KIAA1671: variants seen among roughly 807,000 people sequenced by gnomAD.
KIAA1671 encodes KIAA1671, also known as uncharacterized protein KIAA1671.
KIAA1671 carries 52 observed loss-of-function variants against 131.2 expected under a neutral mutation model. That is an observed-to-expected ratio of 0.40 (90% CI 0.32 to 0.50). The LOEUF (loss-of-function observed/expected upper bound fraction) is 0.50, where lower values mean the gene tolerates loss of function less well. Among genes scored for constraint, KIAA1671 ranks in the 20% least tolerant of loss-of-function variants. The pLI, the probability that KIAA1671 is intolerant of heterozygous loss-of-function variation, is 0.73. For missense variants in KIAA1671, 2,360 were observed against 2,364.2 expected (o/e 1.00, Z 0.04); for synonymous variants, 1,003 against 961.6 (o/e 1.04, Z -0.80).
intron 12 of KIAA1671, among the ~76,000 whole-genome samples, chr22:25,191,287 C>T (rs1934665976): frequency 6.6e-6 from 1 of 151,810 alleles, no homozygotes; most frequent in Non-Finnish European, 1.5e-5. Flanking sequence ...TCCTAAGTAG[C>T]TGGAATTACA....
chr22:24,953,493 C>T (rs886989027), intron 1 of KIAA1671, among the ~76,000 whole-genome samples: 2 of 151,890 alleles, frequency 1.3e-5, no homozygotes, highest in African/African-American at 4.8e-5. Flanking sequence ...CTGGCCTGCG[C>T]CCCCCCTCCG....
chr22:25,082,218 G>T (rs1929448582), intron 6 of KIAA1671, among the ~76,000 whole-genome samples: 1 of 152,200 alleles, frequency 6.6e-6, no homozygotes, highest in African/African-American at 2.4e-5. Context: ...ACCCCCTCTG[G>T]GCCCAGCATC....
intron 6 of KIAA1671, among the ~76,000 whole-genome samples, chr22:25,148,593 A>G (rs935922143): frequency 1.1e-4 from 16 of 152,192 alleles, no homozygotes; most frequent in Admixed American, 2.0e-4. Flanking sequence ...AGGGAGGAGC[A>G]TCTTGTGATG....
At chr22:24,970,049 T>C (rs539096519) in intron 1 of KIAA1671, among the ~76,000 whole-genome samples, 1 of 152,148 alleles carries the variant, frequency 6.6e-6, no homozygotes, top group South Asian at 2.1e-4. Context: ...GGGCAAACTC[T>C]CAAACCAGTC....
intron 6 of KIAA1671, among the ~76,000 whole-genome samples, chr22:25,163,851 G>T (rs1314045917): frequency 6.6e-6 from 1 of 152,184 alleles, no homozygotes; most frequent in African/African-American, 2.4e-5. Context: ...CTGCAGGGCG[G>T]TGTCCATGTT....
chr22:25,032,561 G>C (rs1473332256), intron 3 of KIAA1671, 48 bp from the exon 4 acceptor site: 1 of 1,232,844 alleles, frequency 8.1e-7, no homozygotes, highest in African/African-American at 1.5e-5. Flanking sequence ...GGGCTGGGGG[G>C]AATAACAGCT....
At chr22:25,105,550 G>T (rs980908716) in intron 6 of KIAA1671, among the ~76,000 whole-genome samples, 1 of 152,152 alleles carries the variant, frequency 6.6e-6, no homozygotes, top group South Asian at 2.1e-4. Flanking sequence ...AAGTCCTCTG[G>T]GGGGGAAAAT....
chr22:25,111,358 G>T (rs1931333944), intron 6 of KIAA1671, among the ~76,000 whole-genome samples: 1 of 152,240 alleles, frequency 6.6e-6, no homozygotes, highest in African/African-American at 2.4e-5. Context: ...GACCGTGAGC[G>T]AGTTGGGACT....
At chr22:25,132,157 A>G (rs1429185773) in intron 6 of KIAA1671, among the ~76,000 whole-genome samples, 6 of 152,234 alleles carry the variant, frequency 3.9e-5, no homozygotes, top group Non-Finnish European at 8.8e-5. Flanking sequence ...CAAGACACAT[A>G]TAATCTGTAA....
chr22:24,979,007 T>G (rs1232728056), intron 1 of KIAA1671, among the ~76,000 whole-genome samples: 5 of 148,972 alleles, frequency 3.4e-5, no homozygotes, highest in Admixed American at 3.4e-4. Flanking sequence ...CATTTTTTTT[T>G]TTTTTTGAGA....
At chr22:24,991,133 C>T (rs1339986323) in intron 1 of KIAA1671, among the ~76,000 whole-genome samples, 1 of 152,206 alleles carries the variant, frequency 6.6e-6, no homozygotes, top group East Asian at 1.9e-4. Context: ...GATTATCCTG[C>T]CTCAGCCTCC....
intron 6 of KIAA1671, among the ~76,000 whole-genome samples, chr22:25,107,566 C>G (rs1187617667): frequency 7.0e-6 from 1 of 143,122 alleles, no homozygotes; most frequent in East Asian, 2.1e-4. Flanking sequence ...CCTTAACTTC[C>G]CAGGCTGAAG....
In KIAA1671 at chr22:25,041,010, C is replaced by A. The variant is rs200775683; in HGVS notation, c.3880C>A (p.Pro1294Thr). ...LETAMGTKSSPPFWALPPSAP... is the reference protein window; with the variant it reads ...LETAMGTKSSTPFWALPPSAP... Reference sequence around the variant, plus strand: ...GACAGCCATGGGCACCAAATCTAGCCCTCCCTTCTGGGCTCTGCCACCCTC... The same window carrying A: ...GACAGCCATGGGCACCAAATCTAGCACTCCCTTCTGGGCTCTGCCACCCTC... The change falls in exon 5 of 13, where the codon CCT becomes ACT. Residue 1294 changes from proline (P) to threonine (T), a missense_variant. Physicochemically the swap from Pro to Thr is conservative, Grantham distance 38. Coordinates refer to ENST00000358431, the MANE Select transcript of KIAA1671 (RefSeq NM_001145206.2). 6.8e-7 allele frequency: 1 copy of A among 1,480,340 alleles called. No homozygotes were observed. Among genetic ancestry groups the A allele is most frequent in the Non-Finnish European group, 9.0e-7 (1 of 1,114,758 alleles). 91.7% of individuals were successfully genotyped at this position (1,480,340 alleles called of 1,614,324 possible).
chr22:25,008,989 G>T (rs1924889474), intron 1 of KIAA1671, among the ~76,000 whole-genome samples: 1 of 152,222 alleles, frequency 6.6e-6, no homozygotes, highest in South Asian at 2.1e-4. Flanking sequence ...TGAAGGGCAT[G>T]GGAGGCACAG....
At chr22:25,063,714 AAAAC>A (rs1181282988) in intron 6 of KIAA1671, 1 of 152,232 alleles carries the variant, frequency 6.6e-6, no homozygotes, top group Non-Finnish European at 1.5e-5. Context: ...ATTGAAATAT[AAAAC>A]AATCTTGAAA....
chr22:24,974,487 C>T (rs1256790020), intron 1 of KIAA1671, among the ~76,000 whole-genome samples: 2 of 151,988 alleles, frequency 1.3e-5, no homozygotes, highest in African/African-American at 2.4e-5. Context: ...GGTGGTGGAG[C>T]TGGGATTTGA....
chr22:24,991,623 A>ATT (rs34846801), intron 1 of KIAA1671, among the ~76,000 whole-genome samples: 72,058 of 128,690 alleles, frequency 0.56, 20,648 homozygotes, highest in East Asian at 0.74. Flanking sequence ...CGCCCGGCTA[A>ATT]TTTTTTTTTT....
At chr22:25,024,465 T>G (rs1766347567) in intron 1 of KIAA1671, 1 of 152,122 alleles carries the variant, frequency 6.6e-6, no homozygotes, top group Non-Finnish European at 1.5e-5. Flanking sequence ...GCCTCTGGCT[T>G]GTGAAACTGA....
At chr22:25,106,170 C>T (rs1601319476) in intron 6 of KIAA1671, among the ~76,000 whole-genome samples, 1 of 152,304 alleles carries the variant, frequency 6.6e-6, no homozygotes, top group Non-Finnish European at 1.5e-5. Context: ...ACAACTGGGG[C>T]AGGGGACAAA....
Sources: gnomAD v4.1 joint callset for allele counts (sites outside exome capture counted in the v4.1 genomes callset) on GRCh38, gnomAD v4.1.1 for gene constraint, MANE v1.5 for transcripts, NCBI Gene and HGNC (gene_info 2026-07-23, HGNC 2026-07-21) for gene names.